NMNAT2: variants seen among roughly 807,000 people sequenced by gnomAD.
The protein encoded by NMNAT2 is nicotinamide nucleotide adenylyltransferase 2.
In NMNAT2, 11 loss-of-function variants were observed where a neutral mutation model predicts 41.6. The ratio of observed to expected loss-of-function variants is 0.26; its 90% CI spans 0.17 to 0.44. The LOEUF (loss-of-function observed/expected upper bound fraction) is 0.44, where lower values mean the gene tolerates loss of function less well. Ranked by LOEUF, NMNAT2 falls within the 20% of genes least tolerant of loss-of-function variation. NMNAT2 has a pLI of 1.00. For missense variants in NMNAT2, 288 were observed against 407.7 expected (o/e 0.71, Z 2.53); for synonymous variants, 148 against 151.2 (o/e 0.98, Z 0.16).
chr1:183,401,724 A>G (rs1190257280), intron 1 of NMNAT2, among the ~76,000 whole-genome samples: 2 of 152,214 alleles, frequency 1.3e-5, no homozygotes, highest in African/African-American at 4.8e-5. Flanking sequence ...ACCATGGAAT[A>G]CTATGCAGCC....
At chr1:183,256,815 G>T (rs1006085662) in intron 10 of NMNAT2, among the ~76,000 whole-genome samples, 13 of 152,050 alleles carry the variant, frequency 8.5e-5, no homozygotes, top group Non-Finnish European at 1.8e-4. Flanking sequence ...AGCAGCGCAT[G>T]ATCTCAGTTC....
At chr1:183,304,825 T>C (rs1239009845) in intron 1 of NMNAT2, 26 of 1,601,494 alleles carry the variant, frequency 1.6e-5, no homozygotes, top group Non-Finnish European at 1.9e-5. Flanking sequence ...TGCTCCCTCA[T>C]TGTTGCTGAT....
chr1:183,291,500 C>G (rs1320164804), intron 3 of NMNAT2, among the ~76,000 whole-genome samples: 1 of 152,182 alleles, frequency 6.6e-6, no homozygotes, highest in African/African-American at 2.4e-5. Flanking sequence ...CTAGAGGCAG[C>G]TCTTAGACTC....
intron 1 of NMNAT2, among the ~76,000 whole-genome samples, chr1:183,370,275 C>CACAA (rs1387839594): frequency 6.8e-6 from 1 of 146,942 alleles, no homozygotes; most frequent in Non-Finnish European, 1.5e-5. Flanking sequence ...CACACACACA[C>CACAA]AGGCTGCAGT....
chr1:183,411,057 A>C (rs907897699), intron 1 of NMNAT2, among the ~76,000 whole-genome samples: 4 of 151,962 alleles, frequency 2.6e-5, no homozygotes, highest in Non-Finnish European at 5.9e-5. Flanking sequence ...GGCAGCTTCA[A>C]CTTTCAAGCT....
chr1:183,281,191 A>G lies in NMNAT2; in HGVS notation c.575-2562T>C, dbSNP rs547910619. On this transcript the variant is annotated intron_variant, in intron 7 of 10. Transcript: ENST00000287713. Reference sequence around the variant, plus strand: ...CCCTGAATTAGATGGTCATGTCAACAGGGAATGTGCTGGCCCTCAGCTTTC... The same window carrying G: ...CCCTGAATTAGATGGTCATGTCAACGGGGAATGTGCTGGCCCTCAGCTTTC... Among the ~76,000 whole-genome samples the G allele has an allele frequency of 3.9e-5, 6 of 152,312 alleles. No individual in the cohort carries two copies. The East Asian group carries it at 9.6e-4, about 24-fold the overall frequency.
chr1:183,289,557 C>A (rs767286926), intron 4 of NMNAT2, among the ~76,000 whole-genome samples: 1 of 152,186 alleles, frequency 6.6e-6, no homozygotes, highest in Non-Finnish European at 1.5e-5. Flanking sequence ...CTCTGTGATC[C>A]CTTTTACCCA....
chr1:183,293,802 G>A lies in NMNAT2; in HGVS notation c.86-9C>T. On this transcript the variant is annotated splice_polypyrimidine_tract_variant and intron_variant, in intron 1 of 10. Coordinates refer to ENST00000287713, the MANE Select transcript of NMNAT2 (RefSeq NM_015039.4). ...ATAATCCCTGGCTCTTTCTAATTAA[G>A]AGAAGAAACCCACACATTATAAAGA... 6.3e-7 allele frequency: 1 copy of A among 1,597,778 alleles called. No individual in the cohort carries two copies. The highest frequency in any genetic ancestry group is 1.1e-5 in the South Asian group (1 of 90,740).
chr1:183,308,514 C>A (rs557931935), intron 1 of NMNAT2, among the ~76,000 whole-genome samples: 38 of 152,250 alleles, frequency 2.5e-4, no homozygotes, highest in African/African-American at 8.9e-4. Context: ...AAAGATAGTT[C>A]ACTTCCGCAT....
rs539541922 is a variant in NMNAT2, at chr1:183,331,201, G to A, written c.86-37408C>T. Among the ~76,000 whole-genome samples the A allele has an allele frequency of 4.0e-5, 6 of 151,842 alleles. No homozygotes were observed. In the South Asian group the frequency reaches 1.0e-3, roughly 26 times the overall value. Reference sequence around the variant, plus strand: ...AGGGGCAGGTGGGGGTGGCCGTGGCGCACTGAGCACTGGAACTGGAAAGAG... The same window carrying A: ...AGGGGCAGGTGGGGGTGGCCGTGGCACACTGAGCACTGGAACTGGAAAGAG... On this transcript the variant is annotated intron_variant, in intron 1 of 10. Coordinates refer to ENST00000287713, the MANE Select transcript of NMNAT2 (RefSeq NM_015039.4).
chr1:183,324,852 G>A (rs1662429758), intron 1 of NMNAT2, among the ~76,000 whole-genome samples: 2 of 152,144 alleles, frequency 1.3e-5, no homozygotes, highest in South Asian at 2.1e-4. Flanking sequence ...CGGGGGCAGG[G>A]ACTTAGCCTT....
intron 1 of NMNAT2, among the ~76,000 whole-genome samples, chr1:183,341,749 C>CAAAAAAAAAAAAAAAA (rs1475480146): frequency 6.3e-5 from 2 of 31,678 alleles, no homozygotes; most frequent in African/African-American, 2.4e-4. Flanking sequence ...AAAAAAAAAC[C>CAAAAAAAAAAAAAAAA]TGTTTCCTTC....
At chr1:183,343,277 C>T (rs1400661159) in intron 1 of NMNAT2, among the ~76,000 whole-genome samples, 1 of 152,180 alleles carries the variant, frequency 6.6e-6, no homozygotes, top group African/African-American at 2.4e-5. Context: ...CACATTCATA[C>T]ACTCTAGTTC....
chr1:183,393,949 T>C (rs144461851), intron 1 of NMNAT2, among the ~76,000 whole-genome samples: 1 of 152,146 alleles, frequency 6.6e-6, no homozygotes, highest in Non-Finnish European at 1.5e-5. Flanking sequence ...CAACACAAAC[T>C]GGGACAGCTT....
intron 1 of NMNAT2, among the ~76,000 whole-genome samples, chr1:183,297,008 T>C (rs1323509713): frequency 1.3e-5 from 2 of 151,880 alleles, no homozygotes; most frequent in Non-Finnish European, 2.9e-5. Flanking sequence ...TCACAGACCC[T>C]CTGCTGCAAT....
At chr1:183,281,904 C>T (rs1336965791) in intron 7 of NMNAT2, among the ~76,000 whole-genome samples, 1 of 152,258 alleles carries the variant, frequency 6.6e-6, no homozygotes, top group East Asian at 1.9e-4. Flanking sequence ...GCAGCGAGCT[C>T]CCTTCCAGCT....
chr1:183,398,549 C>T (rs1217033584), intron 1 of NMNAT2, among the ~76,000 whole-genome samples: 7 of 152,170 alleles, frequency 4.6e-5, no homozygotes, highest in South Asian at 2.1e-4. Context: ...CTCAGCTCTG[C>T]ACCAAGGGGA....
chr1:183,277,660 G>A (rs1661155967), intron 8 of NMNAT2, among the ~76,000 whole-genome samples: 2 of 151,784 alleles, frequency 1.3e-5, no homozygotes, highest in African/African-American at 2.4e-5. Flanking sequence ...AAATGTACAC[G>A]AACATATTTC....
At chr1:183,331,352 GGAGGC>G (rs1387931494) in intron 1 of NMNAT2, among the ~76,000 whole-genome samples, 2 of 152,210 alleles carry the variant, frequency 1.3e-5, no homozygotes, top group African/African-American at 4.8e-5. Context: ...CTGGCTGACG[GGAGGC>G]GAGGCGAGGC....
Sources: gnomAD v4.1 joint callset for allele counts (sites outside exome capture counted in the v4.1 genomes callset) on GRCh38, gnomAD v4.1.1 for gene constraint, MANE v1.5 for transcripts, NCBI Gene and HGNC (gene_info 2026-07-23, HGNC 2026-07-21) for gene names.